Variants in SGCD observed in about 807,000 individuals in gnomAD.
SGCD encodes delta-sarcoglycan.
A neutral mutation model predicts 36.6 loss-of-function variants in SGCD; 18 were observed. That is an observed-to-expected ratio of 0.49 (90% CI 0.34 to 0.73). The LOEUF is 0.73. Ranked by LOEUF, SGCD falls within the 30% of genes least tolerant of loss-of-function variation. The pLI, the probability that SGCD is intolerant of heterozygous loss-of-function variation, is 0.01. For synonymous variants in SGCD, 133 were observed against 130.6 expected, an observed-to-expected ratio of 1.02 and a Z score of -0.12; for missense variants, 387 against 346.7, an observed-to-expected ratio of 1.12 and a Z score of -0.92.
intron 3 of SGCD, among the ~76,000 whole-genome samples, chr5:156,202,753 CTT>C (rs11324693): frequency 0.075 from 8,468 of 112,306 alleles, 544 homozygotes; most frequent in African/African-American, 0.21. Flanking sequence ...GCAGAGGTTC[CTT>C]TTTTTTTTTT....
intron 3 of SGCD, among the ~76,000 whole-genome samples, chr5:156,354,244 A>G (rs1438635803): frequency 6.6e-6 from 1 of 152,154 alleles, no homozygotes; most frequent in Non-Finnish European, 1.5e-5. Context: ...AAGGATGGAT[A>G]AGGCCTTTTG....
chr5:156,073,509 G>A (rs1473083469), intron 1 of SGCD, among the ~76,000 whole-genome samples: 1 of 152,200 alleles, frequency 6.6e-6, no homozygotes, highest in Non-Finnish European at 1.5e-5. Flanking sequence ...GCTGCAGGGA[G>A]CTGTGGTTAT....
chr5:156,598,139 T>C (rs564904829), intron 6 of SGCD, among the ~76,000 whole-genome samples: 1 of 152,336 alleles, frequency 6.6e-6, no homozygotes, highest in South Asian at 2.1e-4. Flanking sequence ...CCTAAGACTT[T>C]TCCTATTTTC....
At chr5:156,080,104 G>C (rs555219826) in intron 1 of SGCD, among the ~76,000 whole-genome samples, 1 of 152,278 alleles carries the variant, frequency 6.6e-6, no homozygotes, top group South Asian at 2.1e-4. Flanking sequence ...TACCACATAG[G>C]AGCCACCAAG....
chr5:156,304,738 T>A (rs1581231490), intron 3 of SGCD, among the ~76,000 whole-genome samples: 1 of 152,284 alleles, frequency 6.6e-6, no homozygotes, highest in East Asian at 1.9e-4. Context: ...GTTTGAAACC[T>A]CTATAGACTT....
intron 3 of SGCD, among the ~76,000 whole-genome samples, chr5:156,242,266 A>G (rs1561580676): frequency 1.3e-5 from 2 of 152,222 alleles, no homozygotes; most frequent in South Asian, 2.1e-4. Flanking sequence ...CAAAGGGATA[A>G]CATCCTTTAA....
chr5:156,504,382 G>A (rs1756597059), intron 3 of SGCD, among the ~76,000 whole-genome samples: 2 of 123,084 alleles, frequency 1.6e-5, no homozygotes, highest in African/African-American at 7.3e-5. Context: ...GTATATGTGG[G>A]TGTGTGTGTG....
At chr5:155,742,534 AAGTG>A in the SGCD span, among the ~76,000 whole-genome samples, 3 of 152,222 alleles carry the variant, frequency 2.0e-5, no homozygotes, top group African/African-American at 4.8e-5. Flanking sequence ...TCAGAGAAGG[AAGTG>A]AGTATCAATG....
At chr5:156,184,372 T>C (rs1045665618) in intron 3 of SGCD, among the ~76,000 whole-genome samples, 1 of 58,360 alleles carries the variant, frequency 1.7e-5, no homozygotes, top group African/African-American at 1.2e-4. Context: ...AAGCAGCCAG[T>C]TTTTTTTTTT....
At chr5:155,865,121 TAG>T in the SGCD span, among the ~76,000 whole-genome samples, 1 of 152,026 alleles carries the variant, frequency 6.6e-6, no homozygotes, top group Admixed American at 6.6e-5. Context: ...GATAGATAGA[TAG>T]ATAGATAGAT....
chr5:156,524,093 ACTATAT>A (rs1757529086), intron 4 of SGCD, among the ~76,000 whole-genome samples: 1 of 62,468 alleles, frequency 1.6e-5, no homozygotes, highest in African/African-American at 6.3e-5. Flanking sequence ...GTGAGGTCTT[ACTATAT>A]ATATATATAT....
the SGCD span, among the ~76,000 whole-genome samples, chr5:155,762,292 T>G: frequency 6.6e-6 from 1 of 152,166 alleles, no homozygotes; most frequent in Non-Finnish European, 1.5e-5. Context: ...TTAGGTTATC[T>G]ATCTGAAAAA....
At chr5:156,205,538 A>G (rs1764255022) in intron 3 of SGCD, among the ~76,000 whole-genome samples, 1 of 152,120 alleles carries the variant, frequency 6.6e-6, no homozygotes, top group Non-Finnish European at 1.5e-5. Flanking sequence ...TCAGAAATCT[A>G]TTGAAAGGGT....
chr5:155,920,887 C>T (rs980748168), intron 1 of SGCD, among the ~76,000 whole-genome samples: 5 of 152,168 alleles, frequency 3.3e-5, no homozygotes, highest in African/African-American at 7.2e-5. Flanking sequence ...TCAGACAATC[C>T]GCTACTCTGG....
intron 3 of SGCD, among the ~76,000 whole-genome samples, chr5:156,173,617 T>C (rs549341713): frequency 1.3e-5 from 2 of 152,334 alleles, no homozygotes; most frequent in African/African-American, 2.4e-5. Context: ...TTTACATCAC[T>C]ATTTTTATTT....
intron 1 of SGCD, among the ~76,000 whole-genome samples, chr5:156,005,388 A>G (rs1758736071): frequency 6.6e-6 from 1 of 152,152 alleles, no homozygotes; most frequent in South Asian, 2.1e-4. Flanking sequence ...AAATCATGCT[A>G]CAATGAAAAT....
intron 1 of SGCD, among the ~76,000 whole-genome samples, chr5:155,877,469 C>A (rs547980628): frequency 1.3e-5 from 2 of 152,138 alleles, no homozygotes; most frequent in South Asian, 4.1e-4. Context: ...CCCTGTGCCT[C>A]ATTTTCCTCA....
In SGCD at chr5:156,219,374, T is replaced by C. The variant is rs186908379; in HGVS notation, c.-44+95355T>C. Among the ~76,000 whole-genome samples the C allele has an allele frequency of 3.9e-5, 6 of 152,338 alleles. No homozygotes were observed. The East Asian group carries it at 1.2e-3, about 29-fold the overall frequency. Reference sequence around the variant, plus strand: ...GATCATGTACATATAAATACACATATATACACATATGTATGTGTGTATGCA... The same window carrying C: ...GATCATGTACATATAAATACACATACATACACATATGTATGTGTGTATGCA... On this transcript the variant is annotated intron_variant, in intron 3 of 9. Transcript: ENST00000517913.
intron 1 of SGCD, among the ~76,000 whole-genome samples, chr5:156,068,950 G>A (rs1344789528): frequency 2.0e-5 from 3 of 152,000 alleles, no homozygotes; most frequent in African/African-American, 7.3e-5. Context: ...CATGTCCTTT[G>A]CCCACTTTTT....
Sources: allele counts gnomAD v4.1 joint callset (sites outside exome capture counted in the v4.1 genomes callset), GRCh38; gene constraint gnomAD v4.1.1; transcripts MANE v1.5; gene names NCBI Gene and HGNC (gene_info 2026-07-23, HGNC 2026-07-21).